Variants in ROBO2 observed in about 807,000 individuals in gnomAD.
ROBO2 encodes roundabout guidance receptor 2, also known as roundabout homolog 2.
Under a neutral mutation model 160.8 loss-of-function variants are expected in ROBO2, and 53 were observed. The observed-to-expected ratio is 0.33, with a 90% CI of 0.26 to 0.41. The LOEUF (loss-of-function observed/expected upper bound fraction) is 0.41, where lower values mean the gene tolerates loss of function less well. ROBO2 is among the 10% of genes least tolerant of loss of function. The pLI is 1.00. For missense variants in ROBO2, 1,577 were observed against 1,722.4 expected (o/e 0.92, Z 1.49); for synonymous variants, 664 against 611.7 (o/e 1.09, Z -1.26).
chr3:76,988,511 T>G (rs1340805310), intron 2 of ROBO2, among the ~76,000 whole-genome samples: 1 of 152,192 alleles, frequency 6.6e-6, no homozygotes, highest in East Asian at 1.9e-4. Context: ...TATGTAGAAA[T>G]GTAGAAGACA....
Position 77,018,115 on chromosome 3 carries a change from A to G in ROBO2, c.110-79899A>G, listed in dbSNP as rs370814880. On this transcript the variant is annotated intron_variant, in intron 2 of 26. Transcript: ENST00000487694. ...ATTCAGAAACAATATATTTATATAT[A>G]CATTTGAGACAGGATCTCACTCTGT... 8.0e-4 allele frequency among the ~76,000 whole-genome samples: 122 copies of G among 152,288 alleles called. 5 individuals carry two copies. The South Asian group carries it at 0.024, about 31-fold the overall frequency.
At chr3:76,924,930 C>T (rs9813867) in intron 2 of ROBO2, among the ~76,000 whole-genome samples, 43,438 of 151,970 alleles carry the variant, frequency 0.29, 7,439 homozygotes, top group African/African-American at 0.48. Flanking sequence ...GGTTTGCGGC[C>T]GGGCGCGGTG....
At chr3:76,817,025 A>G (rs1355588989) in intron 2 of ROBO2, among the ~76,000 whole-genome samples, 1 of 152,046 alleles carries the variant, frequency 6.6e-6, no homozygotes, top group East Asian at 1.9e-4. Context: ...GAACAGTAAG[A>G]ACATATCAAC....
At chr3:76,080,127 G>A (rs1333364269) in intron 2 of ROBO2, among the ~76,000 whole-genome samples, 4 of 152,160 alleles carry the variant, frequency 2.6e-5, no homozygotes, top group African/African-American at 9.7e-5. Flanking sequence ...CTAGCTCTCA[G>A]CCTACAGTGA....
At chr3:77,334,617 CCATATAG>C (rs1385372617) in intron 2 of ROBO2, among the ~76,000 whole-genome samples, 31 of 152,284 alleles carry the variant, frequency 2.0e-4, no homozygotes, top group African/African-American at 7.5e-4. Flanking sequence ...ATATCCCTTA[CCATATAG>C]CAAACTTCCT....
intron 2 of ROBO2, among the ~76,000 whole-genome samples, chr3:76,166,364 T>C (rs145904873): frequency 5.0e-4 from 76 of 152,340 alleles, no homozygotes; most frequent in African/African-American, 1.8e-3. Context: ...TAGGCTTTAA[T>C]ATGTTCATTT....
intron 20 of ROBO2, among the ~76,000 whole-genome samples, 170 bp downstream of exon 21, chr3:77,602,661 GCCACCA>G (rs879356392): frequency 1.1e-4 from 14 of 128,332 alleles, no homozygotes; most frequent in Admixed American, 4.7e-4. Context: ...CACCACCACC[GCCACCA>G]CCACCACCAC....
At chr3:76,589,521 C>T (rs1388918062) in intron 2 of ROBO2, among the ~76,000 whole-genome samples, 3 of 152,046 alleles carry the variant, frequency 2.0e-5, no homozygotes, top group East Asian at 1.9e-4. Context: ...CTAAATACTT[C>T]GGAGCATTGT....
intron 2 of ROBO2, among the ~76,000 whole-genome samples, chr3:75,971,244 G>GA (rs2064982661): frequency 6.6e-6 from 1 of 151,146 alleles, no homozygotes; most frequent in South Asian, 2.1e-4. Flanking sequence ...TACCATGAAA[G>GA]AAAAGAATAA....
At chr3:76,942,227 C>T (rs1482721418) in intron 2 of ROBO2, among the ~76,000 whole-genome samples, 1 of 152,082 alleles carries the variant, frequency 6.6e-6, no homozygotes, top group Non-Finnish European at 1.5e-5. Flanking sequence ...ATTTGTTTTC[C>T]TTTTCATCTT....
intron 2 of ROBO2, among the ~76,000 whole-genome samples, chr3:76,370,578 CCA>C (rs1262389097): frequency 6.6e-6 from 1 of 151,868 alleles, no homozygotes; most frequent in South Asian, 2.1e-4. Flanking sequence ...TACAAAGAAA[CCA>C]CAGAGTCAAG....
At chr3:76,945,132 C>CCCGCCT in intron 2 of ROBO2, among the ~76,000 whole-genome samples, 1 of 152,180 alleles carries the variant, frequency 6.6e-6, no homozygotes, top group African/African-American at 2.4e-5. Flanking sequence ...TCGTGATCCG[C>CCCGCCT]CCGCCTCCGC....
At chr3:77,601,485 A>G (rs1166917221) in intron 19 of ROBO2, among the ~76,000 whole-genome samples, 1 of 152,194 alleles carries the variant, frequency 6.6e-6, no homozygotes, top group Non-Finnish European at 1.5e-5. Context: ...ATTGATATTC[A>G]GTGTTGCTCC....
chr3:76,787,675 G>A (rs549915951), intron 2 of ROBO2, among the ~76,000 whole-genome samples: 1 of 151,412 alleles, frequency 6.6e-6, no homozygotes, highest in Non-Finnish European at 1.5e-5. Flanking sequence ...AAGTGACAAA[G>A]TTGTTAGCTC....
chr3:76,353,914 G>A (rs1012194205), intron 2 of ROBO2, among the ~76,000 whole-genome samples: 3 of 151,794 alleles, frequency 2.0e-5, no homozygotes, highest in Non-Finnish European at 4.4e-5. Flanking sequence ...CGTTTTTAGG[G>A]GCTGCAATTC....
At chr3:76,437,439 A>T (rs1016527978) in intron 2 of ROBO2, among the ~76,000 whole-genome samples, 1 of 152,202 alleles carries the variant, frequency 6.6e-6, no homozygotes, top group Admixed American at 6.5e-5. Context: ...GGCCTGGAAG[A>T]AAATGTTTTA....
intron 2 of ROBO2, among the ~76,000 whole-genome samples, chr3:76,151,912 A>G (rs1242738747): frequency 6.6e-6 from 1 of 152,204 alleles, no homozygotes; most frequent in Non-Finnish European, 1.5e-5. Flanking sequence ...TAAAAAATAA[A>G]AACATGAGTA....
At chr3:76,710,453 C>A (rs1177229286) in intron 2 of ROBO2, among the ~76,000 whole-genome samples, 2 of 152,066 alleles carry the variant, frequency 1.3e-5, no homozygotes, top group Non-Finnish European at 2.9e-5. Flanking sequence ...AGGCTAGGCT[C>A]AGCTAAGAAA....
chr3:77,277,503 T>G (rs1367075080), intron 2 of ROBO2, among the ~76,000 whole-genome samples: 1 of 152,006 alleles, frequency 6.6e-6, no homozygotes, highest in African/African-American at 2.4e-5. Flanking sequence ...CCACTATGTG[T>G]CCATGTGTTC....
Sources: allele counts gnomAD v4.1 joint callset (sites outside exome capture counted in the v4.1 genomes callset), GRCh38; gene constraint gnomAD v4.1.1; transcripts MANE v1.5; gene names NCBI Gene and HGNC (gene_info 2026-07-23, HGNC 2026-07-21).